Variants in EYS observed in about 807,000 individuals in gnomAD.
The protein encoded by EYS is EGF-like photoreceptor maintenance factor.
In EYS, 250 loss-of-function variants were observed where a neutral mutation model predicts 282.1. The observed-to-expected ratio is 0.89, with a 90% CI of 0.80 to 0.98. EYS has a LOEUF of 0.98. Ranked by LOEUF, EYS falls within the 50% of genes least tolerant of loss-of-function variation. The pLI, the probability that EYS is intolerant of heterozygous loss-of-function variation, is 0.00. For synonymous variants in EYS, 1,355 were observed against 1,282.9 expected (o/e 1.06, Z -1.20); for missense variants, 4,016 against 3,709.0 (o/e 1.08, Z -2.15).
chr6:65,251,797 A>G (rs1767331510), intron 12 of EYS, among the ~76,000 whole-genome samples: 1 of 152,034 alleles, frequency 6.6e-6, no homozygotes, highest in African/African-American at 2.4e-5. Context: ...TTCTGACTCA[A>G]AGAGTGGGAA....
intron 26 of EYS, among the ~76,000 whole-genome samples, chr6:64,479,048 A>C (rs1172913029): frequency 1.3e-5 from 2 of 151,980 alleles, no homozygotes; most frequent in Non-Finnish European, 2.9e-5. Flanking sequence ...GAGAAATCAC[A>C]ATGTTTAACA....
intron 30 of EYS, among the ~76,000 whole-genome samples, chr6:64,256,496 C>A (rs1363557874): frequency 6.6e-6 from 1 of 152,000 alleles, no homozygotes; most frequent in Non-Finnish European, 1.5e-5. Context: ...TAAGCAGCTC[C>A]TGTGGATTTG....
chr6:64,602,818 T>C (rs1766803132), intron 24 of EYS, among the ~76,000 whole-genome samples: 1 of 152,028 alleles, frequency 6.6e-6, no homozygotes, highest in South Asian at 2.1e-4. Context: ...AGTGGTAAAT[T>C]ATTTGAAAAT....
chr6:65,445,803 C>T (rs1471203531), intron 5 of EYS, among the ~76,000 whole-genome samples: 1 of 151,596 alleles, frequency 6.6e-6, no homozygotes, highest in Non-Finnish European at 1.5e-5. Context: ...TCTGAACTTC[C>T]TTTTTAAGAG....
At chr6:64,617,842 A>T (rs1016177343) in intron 23 of EYS, among the ~76,000 whole-genome samples, 1 of 152,192 alleles carries the variant, frequency 6.6e-6, no homozygotes, top group African/African-American at 2.4e-5. Context: ...TTAACATTAC[A>T]TATTCAAATG....
intron 22 of EYS, among the ~76,000 whole-genome samples, chr6:64,785,723 T>G (rs1467764562): frequency 1.3e-5 from 2 of 152,180 alleles, no homozygotes; most frequent in African/African-American, 4.8e-5. Flanking sequence ...ATTCAACAAA[T>G]ATTTGTTGCA....
At chr6:65,379,402 G>A (rs778955405) in intron 8 of EYS, among the ~76,000 whole-genome samples, 8 of 152,074 alleles carry the variant, frequency 5.3e-5, no homozygotes, top group Non-Finnish European at 8.8e-5. Context: ...AAAGGCCTTC[G>A]ACGAAATTCA....
intron 2 of EYS, among the ~76,000 whole-genome samples, chr6:65,583,672 C>A (rs1437203789): frequency 6.6e-6 from 1 of 151,958 alleles, no homozygotes; most frequent in African/African-American, 2.4e-5. Context: ...CATAAATGAA[C>A]CTGCTCCTAT....
chr6:64,884,264 A>G (rs1005410658), intron 19 of EYS, among the ~76,000 whole-genome samples: 58 of 151,686 alleles, frequency 3.8e-4, no homozygotes, highest in African/African-American at 1.3e-3. Context: ...TTAATATTGT[A>G]TTTAATGTTA....
chr6:65,293,914 T>C (rs1312422621), intron 12 of EYS, among the ~76,000 whole-genome samples: 1 of 151,894 alleles, frequency 6.6e-6, no homozygotes. Context: ...TAAAAAGCCA[T>C]GGTTACGTTG....
At chr6:65,380,468 A>AC (rs1374757893) in intron 8 of EYS, among the ~76,000 whole-genome samples, 8 of 152,304 alleles carry the variant, frequency 5.3e-5, no homozygotes, top group African/African-American at 1.9e-4. Context: ...ACAAAAATTA[A>AC]CTAAAGGTGG....
chr6:64,958,471 G>A (rs1296464966), intron 14 of EYS, among the ~76,000 whole-genome samples: 1 of 151,994 alleles, frequency 6.6e-6, no homozygotes, highest in African/African-American at 2.4e-5. Flanking sequence ...CTTCAGGCCG[G>A]GCGCGGTGGC....
chr6:65,295,916 G>C lies in EYS; in HGVS notation c.1970C>G (p.Thr657Ser). The C allele has an allele frequency of 6.4e-7, 1 of 1,550,660 alleles. No homozygotes were observed. Among genetic ancestry groups the C allele is most frequent in the African/African-American group, 1.4e-5 (1 of 73,058 alleles). ...GAAATATCCCCTTAAATGTGTACTA[G>C]TTGTTCCATTTTTGCAGGACGCAGA... ...CKSASCKNGT[T>S]STHLRGYFFR... The change falls in exon 12 of 43, where the codon ACT (threonine) becomes AGT (serine). Residue 657 changes from threonine (T) to serine (S), a missense_variant. Physicochemically the swap from Thr to Ser is moderately conservative, Grantham distance 58. Transcript: ENST00000503581.
intron 27 of EYS, among the ~76,000 whole-genome samples, 172 bp downstream of exon 27, chr6:64,438,990 T>C (rs183673319): frequency 2.6e-5 from 4 of 151,848 alleles, no homozygotes; most frequent in South Asian, 4.1e-4. Context: ...ACTTGGTTGT[T>C]GTTGGTTCAT....
chr6:65,703,297 A>C (rs2149854152), intron 1 of EYS, among the ~76,000 whole-genome samples: 1 of 152,330 alleles, frequency 6.6e-6, no homozygotes, highest in South Asian at 2.1e-4. Context: ...GCAGATAGAT[A>C]CATAAACCAT....
chr6:65,479,999 C>A (rs1008963118), intron 5 of EYS, among the ~76,000 whole-genome samples: 153 of 126,072 alleles, frequency 1.2e-3, no homozygotes, highest in South Asian at 1.5e-3. Context: ...ACTAAAAATA[C>A]AAAAAAAAAA....
At chr6:65,244,755 C>G (rs914368588) in intron 12 of EYS, among the ~76,000 whole-genome samples, 2 of 151,474 alleles carry the variant, frequency 1.3e-5, no homozygotes, top group African/African-American at 4.9e-5. Flanking sequence ...ATCTCCTGAC[C>G]TGCTGATCCG....
intron 21 of EYS, among the ~76,000 whole-genome samples, chr6:64,815,791 G>A (rs932936828): frequency 2.0e-5 from 3 of 152,058 alleles, no homozygotes; most frequent in African/African-American, 7.2e-5. Context: ...CTTGACCCCA[G>A]TGATATATTC....
intron 22 of EYS, among the ~76,000 whole-genome samples, chr6:64,737,841 T>A (rs1240042656): frequency 6.6e-6 from 1 of 152,154 alleles, no homozygotes; most frequent in Non-Finnish European, 1.5e-5. Flanking sequence ...TCTCAAGAGG[T>A]CACAGTTTCC....
Sources: allele counts gnomAD v4.1 joint callset (sites outside exome capture counted in the v4.1 genomes callset), GRCh38; gene constraint gnomAD v4.1.1; transcripts MANE v1.5; gene names NCBI Gene and HGNC (gene_info 2026-07-23, HGNC 2026-07-21).